ITGA11: variants seen among roughly 807,000 people sequenced by gnomAD.
ITGA11 encodes integrin subunit alpha 11.
In ITGA11, 97 loss-of-function variants were observed where a neutral mutation model predicts 141.9. The ratio of observed to expected loss-of-function variants is 0.68; its 90% CI spans 0.58 to 0.81. The LOEUF (loss-of-function observed/expected upper bound fraction) is 0.81, where lower values mean the gene tolerates loss of function less well. Among genes scored for constraint, ITGA11 ranks in the 30% least tolerant of loss-of-function variants. The pLI is 0.00. For synonymous variants in ITGA11, 658 were observed against 624.6 expected (o/e 1.05, Z -0.80); for missense variants, 1,387 against 1,559.2 (o/e 0.89, Z 1.86).
At chr15:68,416,846 G>T (rs1326347144) in intron 1 of ITGA11, among the ~76,000 whole-genome samples, 1 of 152,152 alleles carries the variant, frequency 6.6e-6, no homozygotes, top group African/African-American at 2.4e-5. Context: ...AACCAGGGAG[G>T]CAGAGGTTGC....
chr15:68,358,702 T>C (rs910514616), intron 5 of ITGA11, 117 bp from the exon 6 acceptor site: 2 of 1,154,782 alleles, frequency 1.7e-6, no homozygotes, highest in Non-Finnish European at 2.4e-6. Context: ...TGTAATTCCC[T>C]GGGCTGGGAA....
Position 68,321,273 on chromosome 15 carries a change from C to G in ITGA11, c.2408+145G>C. The G allele has an allele frequency of 2.1e-6, 1 of 471,522 alleles. No individual in the cohort carries two copies. Among genetic ancestry groups the G allele is most frequent in the Non-Finnish European group, 3.8e-6 (1 of 262,202 alleles). The allele number at this position is 471,522 out of a possible 1,614,324, so 29.2% of individuals were successfully genotyped here. On this transcript the variant is annotated intron_variant, in intron 19 of 29. Transcript: ENST00000315757. The surrounding 1 kb of genome is among the most constrained non-coding windows in gnomAD (Gnocchi z 4.9). ...GCAGGAGTTGGTGGCAGAGCCTGGG[C>G]TAGAACGCAGGCTCCAAGTGCAATG...
chr15:68,377,429 T>C (rs1165964539), intron 2 of ITGA11, among the ~76,000 whole-genome samples: 2 of 151,420 alleles, frequency 1.3e-5, no homozygotes, highest in Non-Finnish European at 2.9e-5. Flanking sequence ...TGCGCCACAA[T>C]GCCTGGCTAA....
At position 68,304,458 on chromosome 15, in the gene ITGA11, C is replaced by G. The variant is rs1015124275; in HGVS notation, c.3382-573G>C. Among the ~76,000 whole-genome samples the G allele has an allele frequency of 4.6e-5, 7 of 152,140 alleles. No homozygotes were observed. Among genetic ancestry groups the G allele is most frequent in the African/African-American group, 1.7e-4 (7 of 41,426 alleles). ...TCTTTGTATCAACATGGTTATAAACCATAATTTTAAATACTTTTTTCCTAT... is the reference window on the plus strand; with the variant it reads ...TCTTTGTATCAACATGGTTATAAACGATAATTTTAAATACTTTTTTCCTAT... On this transcript the variant is annotated intron_variant, in intron 28 of 29. Transcript: ENST00000315757. The surrounding 1 kb of genome is among the most constrained non-coding windows in gnomAD (Gnocchi z 6.1).
chr15:68,353,774 T>C (rs1430262783), intron 7 of ITGA11, among the ~76,000 whole-genome samples: 1 of 152,104 alleles, frequency 6.6e-6, no homozygotes, highest in Non-Finnish European at 1.5e-5. Flanking sequence ...TTAGGCCCCG[T>C]CACAGCTCCT....
chr15:68,331,022 G>C lies in ITGA11; in HGVS notation c.1860C>G (p.Ile620Met). The change falls in exon 15 of 30, where the codon ATC (isoleucine) becomes ATG (methionine). Residue 620 changes from isoleucine (I) to methionine (M), a missense_variant. By Grantham distance (10) the Ile-to-Met change is conservative. Coordinates refer to ENST00000315757, the MANE Select transcript of ITGA11 (RefSeq NM_001004439.2). ...GQLDLNEDGL[I>M]DLAVGALGNA... The stretch of plus-strand genomic sequence containing the variant: ...TGCCAAGGGCTCCCACTGCCAGGTC[G>C]ATGAGCCCATCCTCATTGAGGTCCA... 1 of 1,613,566 alleles carries C rather than the reference G, an allele frequency of 6.2e-7. No individual in the cohort carries two copies. Among genetic ancestry groups the C allele is most frequent in the East Asian group, 2.2e-5 (1 of 44,884 alleles).
At position 68,432,004 on chromosome 15, in the gene ITGA11, TG is replaced by T; in HGVS notation, c.52+10del. The T allele has an allele frequency of 7.7e-7, 1 of 1,302,448 alleles. No homozygotes were observed. The highest frequency in any genetic ancestry group is 2.7e-5 in the South Asian group (1 of 37,526). 80.7% of individuals were successfully genotyped at this position (1,302,448 alleles called of 1,614,324 possible). A position where few individuals can be genotyped will look rare whatever the true frequency, so the allele number is the denominator to read the frequency against. On this transcript the variant is annotated intron_variant, in intron 1 of 29. Coordinates refer to ENST00000315757, the MANE Select transcript of ITGA11 (RefSeq NM_001004439.2). ...CCGAGAGGCAAGGGGAGGCAGAGGG[TG>T]GGCACCTACCTGGCCACAGGCTGAG...
chr15:68,407,080 T>C (rs775581614), intron 1 of ITGA11, among the ~76,000 whole-genome samples: 5 of 152,140 alleles, frequency 3.3e-5, no homozygotes, highest in African/African-American at 4.8e-5. Context: ...AAGATTCCTT[T>C]TAGAGAAGAG....
chr15:68,370,247 C>T (rs1895546845), intron 2 of ITGA11, among the ~76,000 whole-genome samples: 2 of 152,194 alleles, frequency 1.3e-5, no homozygotes, highest in Admixed American at 1.3e-4. Context: ...ACCTGGCTTA[C>T]TTACTTACAT....
At position 68,297,259 on chromosome 15, in the gene ITGA11, A is replaced by G. The variant is rs1302208060; in HGVS notation, c.*5800T>C. 2 of 151,920 alleles carry G rather than the reference A, an allele frequency of 1.3e-5. No homozygotes were observed. The highest frequency in any genetic ancestry group is 2.9e-5 in the Non-Finnish European group (2 of 67,972). 9.4% of individuals were successfully genotyped at this position (151,920 alleles called of 1,614,324 possible). On this transcript the variant is annotated 3_prime_UTR_variant, in exon 30 of 30. Transcript: ENST00000315757. ...CCACCACACCTGGCCTTGGACTAGT[A>G]TTTCTTCATTTGTCTTTTTTAAGTG...
intron 11 of ITGA11, among the ~76,000 whole-genome samples, chr15:68,339,112 C>T (rs1348026514): frequency 6.6e-6 from 1 of 152,210 alleles, no homozygotes; most frequent in Non-Finnish European, 1.5e-5. Flanking sequence ...AAAATGAATG[C>T]AGGTTCCACT....
At chr15:68,366,246 T>A (rs1466944816) in intron 3 of ITGA11, among the ~76,000 whole-genome samples, 1 of 152,148 alleles carries the variant, frequency 6.6e-6, no homozygotes, top group African/African-American at 2.4e-5. Flanking sequence ...ACACCTGCCC[T>A]TTCAGGACCC....
In ITGA11 at chr15:68,423,818, A is replaced by G. The variant is rs1897076389; in HGVS notation, c.52+8197T>C. ...CCGGCCTCCTCCTTCTTGTTGATGG[A>G]GTATTCCTTCCTCACCCAGCCTGGG... On this transcript the variant is annotated intron_variant, in intron 1 of 29. Transcript: ENST00000315757. Among the ~76,000 whole-genome samples, 5 of 151,864 alleles carry G rather than the reference A, an allele frequency of 3.3e-5. No homozygotes were observed. The South Asian group carries it at 1.0e-3, about 32-fold the overall frequency.
chr15:68,371,143 T>C (rs1055308156), intron 2 of ITGA11, among the ~76,000 whole-genome samples: 5 of 152,044 alleles, frequency 3.3e-5, no homozygotes, highest in Non-Finnish European at 7.4e-5. Context: ...CTAGACGAGG[T>C]GATTTTTGGC....
intron 2 of ITGA11, among the ~76,000 whole-genome samples, chr15:68,398,204 C>T (rs1896369790): frequency 1.3e-5 from 2 of 151,766 alleles, no homozygotes; most frequent in African/African-American, 2.4e-5. Context: ...AAGACACAGA[C>T]TGGCAAATTG....
chr15:68,388,873 A>G (rs1340208566), intron 2 of ITGA11, among the ~76,000 whole-genome samples: 1 of 152,122 alleles, frequency 6.6e-6, no homozygotes, highest in African/African-American at 2.4e-5. Context: ...TTGCCTCCCA[A>G]GTACAGTCTC....
chr15:68,330,871 G>A, intron 15 of ITGA11, 110 bp downstream of exon 15: 1 of 1,271,228 alleles, frequency 7.9e-7, no homozygotes, highest in Non-Finnish European at 1.1e-6. Context: ...GGGTCTAGCT[G>A]AGGGCAGTTA....
At chr15:68,331,223 A>G (rs1894147657) in intron 14 of ITGA11, 112 bp from the exon 15 acceptor site, 1 of 996,016 alleles carries the variant, frequency 1.0e-6, no homozygotes, top group African/African-American at 1.6e-5. Flanking sequence ...TGAAACCACC[A>G]AGAAGCTTCC....
In ITGA11 at chr15:68,307,699, G is replaced by T; in HGVS notation, c.3175-3C>A. 6.2e-7 allele frequency: 1 copy of T among 1,607,256 alleles called. No individual in the cohort carries two copies. Among genetic ancestry groups the T allele is most frequent in the East Asian group, 2.2e-5 (1 of 44,852 alleles). On this transcript the variant is annotated splice_polypyrimidine_tract_variant and splice_region_variant and intron_variant, in intron 26 of 29. Transcript: ENST00000315757. This position sits in a 1 kb window ranked among gnomAD's most constrained non-coding sequence, Gnocchi z 6.1. ...ACGACATCAGAGTTGCTGTGATTCTGAAAGAGAAGATGGGTCTCAGGGCTG... is the reference window on the plus strand; with the variant it reads ...ACGACATCAGAGTTGCTGTGATTCTTAAAGAGAAGATGGGTCTCAGGGCTG...
Sources: gnomAD v4.1 joint callset for allele counts (sites outside exome capture counted in the v4.1 genomes callset) on GRCh38, gnomAD v4.1.1 for gene constraint, Gnocchi (gnomAD v3.1) non-coding constraint, MANE v1.5 for transcripts, NCBI Gene and HGNC (gene_info 2026-07-23, HGNC 2026-07-21) for gene names.